Variants in NDST1 observed in about 807,000 individuals in gnomAD.
NDST1 encodes N-deacetylase and N-sulfotransferase 1, also known as bifunctional heparan sulfate N-deacetylase/N-sulfotransferase 1.
In NDST1, 35 loss-of-function variants were observed where a neutral mutation model predicts 92.8. The observed-to-expected ratio is 0.38, with a 90% CI of 0.29 to 0.50. The LOEUF (loss-of-function observed/expected upper bound fraction) is 0.50, where lower values mean the gene tolerates loss of function less well. Ranked by LOEUF, NDST1 falls within the 20% of genes least tolerant of loss-of-function variation. NDST1 has a pLI of 0.94. For synonymous variants in NDST1, 493 were observed against 500.3 expected (o/e 0.99, Z 0.19); for missense variants, 822 against 1,182.7 (o/e 0.69, Z 4.47).
intron 2 of NDST1, among the ~76,000 whole-genome samples, chr5:150,524,327 G>A (rs1218058680): frequency 1.3e-5 from 2 of 152,258 alleles, no homozygotes; most frequent in Admixed American, 1.3e-4. Flanking sequence ...TCAGTAAACA[G>A]CAGTGGTAGC....
chr5:150,552,305 C>T (rs549529729), intron 14 of NDST1, among the ~76,000 whole-genome samples: 3 of 151,982 alleles, frequency 2.0e-5, no homozygotes, highest in Middle Eastern at 3.4e-3. Flanking sequence ...TCTGGAGTTG[C>T]GCCTAGAAGG....
At chr5:150,523,549 C>G (rs1391759557) in intron 2 of NDST1, among the ~76,000 whole-genome samples, 1 of 152,186 alleles carries the variant, frequency 6.6e-6, no homozygotes, top group African/African-American at 2.4e-5. Context: ...GAGTATAGGT[C>G]TGGGATTTGA....
upstream of NDST1, among the ~76,000 whole-genome samples, chr5:150,506,178 T>A (rs905357555): frequency 6.6e-6 from 1 of 152,228 alleles, no homozygotes; most frequent in African/African-American, 2.4e-5. Context: ...TGGTGCAATC[T>A]GGGCTTACTG....
Position 150,553,371 on chromosome 5 carries a change from T to C in NDST1, c.*39T>C. 1 of 1,607,292 alleles carries C rather than the reference T, an allele frequency of 6.2e-7. No homozygotes were observed. Among genetic ancestry groups the C allele is most frequent in the Admixed American group, 1.7e-5 (1 of 59,780 alleles). On this transcript the variant is annotated 3_prime_UTR_variant, in exon 15 of 15. Coordinates refer to ENST00000261797, the MANE Select transcript of NDST1 (RefSeq NM_001543.5). The surrounding 1 kb of genome is among the most constrained non-coding windows in gnomAD (Gnocchi z 4.2). The stretch of plus-strand genomic sequence containing the variant: ...AGCCAGACTGAACGTTTGTGAAAGC[T>C]GGGACATCCCACCACACGCTGAGCC...
chr5:150,540,674 G>A (rs538436246), intron 8 of NDST1, among the ~76,000 whole-genome samples: 27 of 151,984 alleles, frequency 1.8e-4, no homozygotes, highest in Non-Finnish European at 3.5e-4. Flanking sequence ...AAATTAGCCG[G>A]GCATGATGGT....
In NDST1 at chr5:150,521,861, C is replaced by T; in HGVS notation, c.513+94C>T. 2 of 1,533,994 alleles carry T rather than the reference C, an allele frequency of 1.3e-6. No homozygotes were observed. The highest frequency in any genetic ancestry group is 2.3e-5 in the South Asian group (2 of 88,754). On this transcript the variant is annotated intron_variant, in intron 2 of 14. Transcript: ENST00000261797. This position sits in a 1 kb window ranked among gnomAD's most constrained non-coding sequence, Gnocchi z 5.9. ...TGTGAAATAGGTGTAATGGTAGCAC[C>T]CGCCTCCTGGGGTTGTTGGGAGGGT...
At position 150,528,056 on chromosome 5, in the gene NDST1, G is replaced by A. The variant is rs141266229; in HGVS notation, c.766G>A (p.Ala256Thr). ...GTCCATCCCACACCTGGGCGCAGACGCCGGCCTGCATGCTGCACTGCACGC... is the reference window on the plus strand; with the variant it reads ...GTCCATCCCACACCTGGGCGCAGACACCGGCCTGCATGCTGCACTGCACGC... ...SESIPHLGAD[A>T]GLHAALHATV... Residue 256 changes from alanine (A) to threonine (T), a missense_variant, in exon 3 of 15, where the codon GCC (alanine) becomes ACC (threonine). Transcript: ENST00000261797. The A allele has an allele frequency of 4.3e-6, 7 of 1,613,442 alleles. No homozygotes were observed. Among genetic ancestry groups the A allele is most frequent in the African/African-American group, 2.7e-5 (2 of 74,936 alleles).
chr5:150,535,499 G>T (rs1388079719), intron 5 of NDST1: 1 of 754,664 alleles, frequency 1.3e-6, no homozygotes, highest in Non-Finnish European at 1.6e-6. Context: ...TCTAATCCCA[G>T]CTCTGCCAGT....
intron 1 of NDST1, among the ~76,000 whole-genome samples, chr5:150,501,043 G>A (rs1012463344): frequency 3.3e-5 from 5 of 152,182 alleles, no homozygotes; most frequent in Admixed American, 2.6e-4. Flanking sequence ...GCATGAAACC[G>A]GTTGGGTGTG....
chr5:150,526,096 T>C (rs1754464952), intron 2 of NDST1, among the ~76,000 whole-genome samples: 1 of 152,178 alleles, frequency 6.6e-6, no homozygotes, highest in African/African-American at 2.4e-5. Context: ...CCTCAGGGCC[T>C]TTGCACTTGC....
intron 1 of NDST1, among the ~76,000 whole-genome samples, chr5:150,513,221 T>C (rs1753802756): frequency 6.6e-6 from 1 of 151,794 alleles, no homozygotes; most frequent in African/African-American, 2.4e-5. Context: ...CTGGGCACAG[T>C]GGCTCACGTC....
At chr5:150,513,214 G>C (rs1457774418) in intron 1 of NDST1, among the ~76,000 whole-genome samples, 1 of 151,864 alleles carries the variant, frequency 6.6e-6, no homozygotes, top group Non-Finnish European at 1.5e-5. Flanking sequence ...AAATATGCTG[G>C]GCACAGTGGC....
chr5:150,548,734 A>G (rs1459051619), intron 12 of NDST1, among the ~76,000 whole-genome samples: 2 of 151,780 alleles, frequency 1.3e-5, no homozygotes, highest in East Asian at 1.9e-4. Flanking sequence ...AGGTCTTACT[A>G]TGTTGCCCAG....
chr5:150,539,154 C>T (rs1360999846), intron 6 of NDST1, 74 bp from the exon 7 acceptor site: 1 of 1,268,640 alleles, frequency 7.9e-7, no homozygotes, highest in African/African-American at 1.5e-5. Flanking sequence ...GGGCCTTCTT[C>T]CTCTGAGGAA....
rs1381068737 is a variant in NDST1 at position 150,555,066 on chromosome 5, A to AT, written c.*1735dup. The AT allele has an allele frequency of 6.5e-6, 1 of 152,926 alleles. No individual in the cohort carries two copies. Among genetic ancestry groups the AT allele is most frequent in the Non-Finnish European group, 1.5e-5 (1 of 68,256 alleles). 9.5% of individuals were successfully genotyped at this position (152,926 alleles called of 1,614,324 possible). On this transcript the variant is annotated 3_prime_UTR_variant, in exon 15 of 15. Coordinates refer to ENST00000261797, the MANE Select transcript of NDST1 (RefSeq NM_001543.5). ...GGAGGTGGCCTGCTTGGCCGACGTC[A>AT]TGGAGCCAGCTGGGAGCAGGGCTGA...
In NDST1 at chr5:150,553,942, G is replaced by A. The variant is rs1053519986; in HGVS notation, c.*610G>A. The A allele has an allele frequency of 4.8e-6, 2 of 421,034 alleles. No homozygotes were observed. Among genetic ancestry groups the A allele is most frequent in the Non-Finnish European group, 8.4e-6 (2 of 238,384 alleles). The allele number at this position is 421,034 out of a possible 1,614,324, so 26.1% of individuals were successfully genotyped here. A position where few individuals can be genotyped will look rare whatever the true frequency, so the allele number is the denominator to read the frequency against. The stretch of plus-strand genomic sequence containing the variant: ...TGGGGAAGAATTTCTGGTTCCTACA[G>A]TATCCACTCCATCCTCAAGGCTTCC... On this transcript the variant is annotated 3_prime_UTR_variant, in exon 15 of 15. Transcript: ENST00000261797. This position sits in a 1 kb window ranked among gnomAD's most constrained non-coding sequence, Gnocchi z 4.2.
At position 150,521,115 on chromosome 5, in the gene NDST1, C is replaced by T. The variant is rs1239764030; in HGVS notation, c.-140C>T. 12 of 738,414 alleles carry T rather than the reference C, an allele frequency of 1.6e-5. No individual in the cohort carries two copies. The highest frequency in any genetic ancestry group is 2.4e-5 in the Non-Finnish European group (11 of 459,344). 45.7% of individuals were successfully genotyped at this position (738,414 alleles called of 1,614,324 possible). A position where few individuals can be genotyped will look rare whatever the true frequency, so the allele number is the denominator to read the frequency against. ...ACTGGGGGCCCAGATCCTCCACTCCCAGTGCCCCACAAGGGCGTCGCTTCC... is the reference window on the plus strand; with the variant it reads ...ACTGGGGGCCCAGATCCTCCACTCCTAGTGCCCCACAAGGGCGTCGCTTCC... On this transcript the variant is annotated 5_prime_UTR_variant, in exon 2 of 15. Coordinates refer to ENST00000261797, the MANE Select transcript of NDST1 (RefSeq NM_001543.5). The surrounding 1 kb of genome is among the most constrained non-coding windows in gnomAD (Gnocchi z 5.9).
chr5:150,539,060 A>C lies in NDST1; in HGVS notation c.1438-168A>C, dbSNP rs142202523. 9.1e-4 allele frequency among the ~76,000 whole-genome samples: 138 copies of C among 152,306 alleles called. 1 individual carries two copies. Among genetic ancestry groups the C allele is most frequent in the African/African-American group, 3.0e-3 (124 of 41,562 alleles). ...GTAAAATGGCAAGGGCCTGTAGTTCACTGGGGGGAACGCTGTGCTGTAGGC... is the reference window on the plus strand; with the variant it reads ...GTAAAATGGCAAGGGCCTGTAGTTCCCTGGGGGGAACGCTGTGCTGTAGGC... On this transcript the variant is annotated intron_variant, in intron 6 of 14. Coordinates refer to ENST00000261797, the MANE Select transcript of NDST1 (RefSeq NM_001543.5).
At position 150,549,799 on chromosome 5, in the gene NDST1, C is replaced by T. The variant is rs750519855; in HGVS notation, c.2426+12C>T. 2.1e-5 allele frequency: 32 copies of T among 1,541,012 alleles called. No homozygotes were observed. The highest frequency in any genetic ancestry group is 2.9e-5 in the Non-Finnish European group (32 of 1,113,434). Reference sequence around the variant, plus strand: ...CACAAAACCTTGGCGTGAGTGTTGCCTTTTCCTTTCTGCAGGTTATTTCCC... The same window carrying T: ...CACAAAACCTTGGCGTGAGTGTTGCTTTTTCCTTTCTGCAGGTTATTTCCC... On this transcript the variant is annotated intron_variant, in intron 13 of 14. Coordinates refer to ENST00000261797, the MANE Select transcript of NDST1 (RefSeq NM_001543.5).
Sources: allele counts gnomAD v4.1 joint callset (sites outside exome capture counted in the v4.1 genomes callset), GRCh38; gene constraint gnomAD v4.1.1; non-coding constraint Gnocchi (gnomAD v3.1); transcripts MANE v1.5; gene names NCBI Gene and HGNC (gene_info 2026-07-23, HGNC 2026-07-21).